The following ZNF138 variants were observed in gnomAD, a reference collection of about 807,000 sequenced individuals.
ZNF138 encodes the protein zinc finger protein 138, also known as zinc finger protein 138 (clone pHZ-32).
A neutral mutation model predicts 33.0 loss-of-function variants in ZNF138; 33 were observed. That is an observed-to-expected ratio of 1.00 (90% CI 0.76 to 1.34). ZNF138 has a LOEUF of 1.34. Ranked by LOEUF, ZNF138 falls within the 40% of genes most tolerant of loss-of-function variation. The pLI is 0.00. For synonymous variants in ZNF138, 139 were observed against 120.4 expected (o/e 1.15, Z -1.01); for missense variants, 360 against 370.8 (o/e 0.97, Z 0.24).
chr7:64,834,950 G>C (rs1022431010), downstream of ZNF138, among the ~76,000 whole-genome samples: 1 of 152,218 alleles, frequency 6.6e-6, no homozygotes, highest in African/African-American at 2.4e-5. Context: ...GAGACAAAGA[G>C]GGCAAAAATC....
chr7:64,815,607 G>T lies in ZNF138; in HGVS notation c.162G>T (p.Glu54Asp). Reference sequence around the variant, plus strand: ...TTACCTGTCTGGAACAAGGAAAAGAGCCCTGGAATATGAAGAGACATGAGA... The same window carrying T: ...TTACCTGTCTGGAACAAGGAAAAGATCCCTGGAATATGAAGAGACATGAGA... The part of the protein sequence containing the change: ...DLITCLEQGK[E>D]PWNMKRHEMV... The change falls in exon 3 of 4, where the codon GAG (glutamate) becomes GAT (aspartate). Residue 54 changes from glutamate (E) to aspartate (D), a missense_variant. By Grantham distance (45) the Glu-to-Asp change is conservative (BLOSUM62 2). Coordinates refer to ENST00000307355, the MANE Select transcript of ZNF138 (RefSeq NM_001271639.2). 1 of 1,612,812 alleles carries T rather than the reference G, an allele frequency of 6.2e-7. No individual in the cohort carries two copies. The highest frequency in any genetic ancestry group is 8.5e-7 in the Non-Finnish European group (1 of 1,179,432).
the ZNF138 span, among the ~76,000 whole-genome samples, chr7:64,841,551 G>A: frequency 3.5e-4 from 53 of 152,278 alleles, no homozygotes; most frequent in South Asian, 5.8e-3. Context: ...GATTCTTCCC[G>A]TGGAGATAAC....
chr7:64,797,576 G>A (rs573681842), intron 1 of ZNF138, among the ~76,000 whole-genome samples: 1 of 152,234 alleles, frequency 6.6e-6, no homozygotes, highest in South Asian at 2.1e-4. Flanking sequence ...GGATGTCGGA[G>A]CCTGCTCACC....
intron 3 of ZNF138, among the ~76,000 whole-genome samples, chr7:64,822,800 C>G (rs1789273470): frequency 1.3e-5 from 2 of 152,068 alleles, no homozygotes; most frequent in Non-Finnish European, 2.9e-5. Flanking sequence ...AAAGATTGCG[C>G]TATTAGAATT....
chr7:64,846,878 T>C, the ZNF138 span, among the ~76,000 whole-genome samples: 562 of 152,302 alleles, frequency 3.7e-3, 4 homozygotes, highest in African/African-American at 0.013. Context: ...CCCCATTCAC[T>C]ATTATGCTGG....
At chr7:64,795,558 A>T (rs901493788) in intron 1 of ZNF138, among the ~76,000 whole-genome samples, 1 of 151,908 alleles carries the variant, frequency 6.6e-6, no homozygotes, top group African/African-American at 2.4e-5. Context: ...ATTTTAATTA[A>T]TCATTTTTTG....
At chr7:64,834,770 GATGT>G (rs1790313724), downstream of ZNF138, among the ~76,000 whole-genome samples, 1 of 152,160 alleles carries the variant, frequency 6.6e-6, no homozygotes, top group African/African-American at 2.4e-5. Context: ...AATATTGAGT[GATGT>G]ATGAGGTAAG....
chr7:64,794,768 T>G (rs895380028), intron 1 of ZNF138, among the ~76,000 whole-genome samples, 197 bp downstream of exon 1: 16 of 152,178 alleles, frequency 1.1e-4, no homozygotes, highest in African/African-American at 3.9e-4. Flanking sequence ...CCAGGCGTCC[T>G]GTCTCCTCCC....
Position 64,818,160 on chromosome 7 carries a change from A to G in ZNF138, c.208+2507A>G, listed in dbSNP as rs535869181. 2.2e-4 allele frequency among the ~76,000 whole-genome samples: 33 copies of G among 151,482 alleles called. No homozygotes were observed. In the South Asian group the frequency reaches 6.5e-3, roughly 30 times the overall value. On this transcript the variant is annotated intron_variant, in intron 3 of 3. Transcript: ENST00000307355. ...CACCACACCCAGCTAATTTTGTTGT[A>G]TTTTTAGTAAAGATAGGGTTTCACC...
At chr7:64,799,800 C>T (rs1202581341) in intron 1 of ZNF138, among the ~76,000 whole-genome samples, 11 of 152,034 alleles carry the variant, frequency 7.2e-5, no homozygotes, top group East Asian at 1.9e-4. Context: ...TGTGCCACCA[C>T]GCCTGGCTAA....
chr7:64,801,421 A>C (rs1012389304), intron 1 of ZNF138, among the ~76,000 whole-genome samples: 1 of 152,154 alleles, frequency 6.6e-6, no homozygotes, highest in Non-Finnish European at 1.5e-5. Flanking sequence ...TTATATACCC[A>C]AAAGTTATTC....
chr7:64,832,455 A>G lies in ZNF138; in HGVS notation c.*253A>G. 5 of 1,381,776 alleles carry G rather than the reference A, an allele frequency of 3.6e-6. No homozygotes were observed. The highest frequency in any genetic ancestry group is 2.9e-5 in the African/African-American group (2 of 68,982). The allele number at this position is 1,381,776 out of a possible 1,614,324, so 85.6% of individuals were successfully genotyped here. A position where few individuals can be genotyped will look rare whatever the true frequency, so the allele number is the denominator to read the frequency against. On this transcript the variant is annotated 3_prime_UTR_variant, in exon 4 of 4. Transcript: ENST00000307355. ...TGGAAAAGCTTTTCACCGATACTCA[A>G]TCCTTAGTACACATAAGAAAATTCA...
chr7:64,847,202 G>A, the ZNF138 span, among the ~76,000 whole-genome samples: 4 of 151,634 alleles, frequency 2.6e-5, no homozygotes, highest in Admixed American at 6.6e-5. Flanking sequence ...GCTGGGCTTT[G>A]TGGCTCACAC....
the ZNF138 span, among the ~76,000 whole-genome samples, chr7:64,860,100 G>A: frequency 1.2e-4 from 18 of 152,272 alleles, no homozygotes; most frequent in Admixed American, 6.5e-4. Flanking sequence ...TCATTCCACT[G>A]CACTTCAGCC....
chr7:64,815,700 C>A, intron 3 of ZNF138, 47 bp downstream of exon 3: 1 of 1,547,560 alleles, frequency 6.5e-7, no homozygotes, highest in Non-Finnish European at 8.8e-7. Flanking sequence ...AGGTCAAAGG[C>A]CAAGGAGAAG....
chr7:64,831,792 CAACAT>C lies in ZNF138; in HGVS notation c.553_557del (p.His185LysfsTer5). The C allele has an allele frequency of 6.2e-7, 1 of 1,613,326 alleles. No homozygotes were observed. Among genetic ancestry groups the C allele is most frequent in the South Asian group, 1.1e-5 (1 of 90,778 alleles). On this transcript the variant is annotated frameshift_variant, in exon 4 of 4. Transcript: ENST00000307355. LOFTEE classifies it high-confidence loss of function. ...ACTTTGCATGCTTTCACGCCTAACTCAACATAAAAAAATTCATACTAGAGAGAATT... is the reference window on the plus strand; with the variant it reads ...ACTTTGCATGCTTTCACGCCTAACTCAAAAAAATTCATACTAGAGAGAATT...
intron 3 of ZNF138, among the ~76,000 whole-genome samples, chr7:64,817,753 TAC>T (rs1788779813): frequency 6.6e-6 from 1 of 152,132 alleles, no homozygotes. Flanking sequence ...ACTCTTCATA[TAC>T]GTTTTTATTT....
At chr7:64,859,159 C>A in the ZNF138 span, among the ~76,000 whole-genome samples, 2 of 152,136 alleles carry the variant, frequency 1.3e-5, no homozygotes, top group African/African-American at 2.4e-5. Flanking sequence ...AATTCCTGAC[C>A]TTGTGAACCA....
chr7:64,853,478 G>C, the ZNF138 span: 1 of 527,600 alleles, frequency 1.9e-6, no homozygotes. Flanking sequence ...ATATATATGA[G>C]ATCATGTAGT....
Sources: gnomAD v4.1 joint callset for allele counts (sites outside exome capture counted in the v4.1 genomes callset) on GRCh38, gnomAD v4.1.1 for gene constraint, MANE v1.5 for transcripts, NCBI Gene and HGNC (gene_info 2026-07-23, HGNC 2026-07-21) for gene names.